CSMD2: variants seen among roughly 807,000 people sequenced by gnomAD.
The protein encoded by CSMD2 is CUB and Sushi multiple domains 2.
In CSMD2, 130 loss-of-function variants were observed where a neutral mutation model predicts 398.5. The observed-to-expected ratio is 0.33, with a 90% CI of 0.28 to 0.38. CSMD2 has a LOEUF of 0.38. Among genes scored for constraint, CSMD2 ranks in the 10% least tolerant of loss-of-function variants. The probability of loss-of-function intolerance (pLI) is 1.00; values close to 1 mark genes in which losing one functional copy is unlikely to be tolerated. For missense variants in CSMD2, 3,829 were observed against 4,764.9 expected, an observed-to-expected ratio of 0.80 and a Z score of 5.78; for synonymous variants, 1,828 against 1,908.5, an observed-to-expected ratio of 0.96 and a Z score of 1.10.
chr1:34,089,391 C>G (rs1466296887), intron 1 of CSMD2, among the ~76,000 whole-genome samples, 198 bp from the exon 2 acceptor site: 4 of 152,218 alleles, frequency 2.6e-5, no homozygotes, highest in African/African-American at 9.6e-5. Context: ...TGTGTACTGA[C>G]CAGGTGATAC....
At chr1:33,974,551 C>T (rs1645891276) in intron 3 of CSMD2, among the ~76,000 whole-genome samples, 1 of 152,200 alleles carries the variant, frequency 6.6e-6, no homozygotes, top group Non-Finnish European at 1.5e-5. Flanking sequence ...GATGAGGAAA[C>T]AAACAGAGAC....
At chr1:33,540,928 T>C (rs1049283563) in intron 59 of CSMD2, among the ~76,000 whole-genome samples, 1 of 152,190 alleles carries the variant, frequency 6.6e-6, no homozygotes, top group Non-Finnish European at 1.5e-5. Flanking sequence ...CCCCTCAATG[T>C]TCATGGCCCA....
chr1:34,092,550 C>T (rs553464671), intron 1 of CSMD2, among the ~76,000 whole-genome samples: 25 of 152,026 alleles, frequency 1.6e-4, no homozygotes, highest in South Asian at 4.2e-4. Flanking sequence ...AGTGGGTGCG[C>T]GCACCGTGCA....
intron 4 of CSMD2, among the ~76,000 whole-genome samples, chr1:33,933,695 T>G (rs1644381317): frequency 6.6e-6 from 1 of 152,106 alleles, no homozygotes; most frequent in Non-Finnish European, 1.5e-5. Context: ...CACACACCTG[T>G]GTAGGGGCCA....
intron 1 of CSMD2, among the ~76,000 whole-genome samples, chr1:34,157,750 C>A (rs1640941768): frequency 6.6e-6 from 1 of 152,026 alleles, no homozygotes; most frequent in Non-Finnish European, 1.5e-5. Context: ...GCCAACACAT[C>A]CCAACCCACC....
intron 6 of CSMD2, among the ~76,000 whole-genome samples, chr1:33,841,755 A>G (rs1376725345): frequency 6.6e-6 from 1 of 152,212 alleles, no homozygotes; most frequent in Non-Finnish European, 1.5e-5. Context: ...AAATACTTCA[A>G]AGAGAAACTG....
chr1:34,088,852 G>A, intron 2 of CSMD2, 125 bp downstream of exon 2: 4 of 768,046 alleles, frequency 5.2e-6, no homozygotes, highest in Non-Finnish European at 8.9e-6. Context: ...GGTTGAGGGA[G>A]GACATCATGA....
chr1:33,522,953 G>A (rs1297265944), intron 67 of CSMD2, among the ~76,000 whole-genome samples: 1 of 152,196 alleles, frequency 6.6e-6, no homozygotes, highest in Non-Finnish European at 1.5e-5. Flanking sequence ...ATGTAGTCAT[G>A]TGAGACTCAC....
chr1:33,716,277 A>G lies in CSMD2; in HGVS notation c.3217+9T>C, dbSNP rs1200510007. The G allele has an allele frequency of 3.1e-6, 5 of 1,608,576 alleles. No homozygotes were observed. The South Asian group carries it at 5.5e-5, about 18-fold the overall frequency. ...GTCTCTTCCCCTCAGGGACCCTCAT[A>G]CTCTTTACCTGAGAAGGTGATGTTG... On this transcript the variant is annotated intron_variant, in intron 20 of 70. Coordinates refer to ENST00000373381, the MANE Select transcript of CSMD2 (RefSeq NM_001281956.2).
intron 1 of CSMD2, among the ~76,000 whole-genome samples, chr1:34,154,298 C>T (rs1640600409): frequency 6.6e-6 from 1 of 152,162 alleles, no homozygotes; most frequent in Non-Finnish European, 1.5e-5. Context: ...GGAAATGTGA[C>T]CTGGCACACC....
intron 25 of CSMD2, among the ~76,000 whole-genome samples, chr1:33,683,479 G>A (rs1018756084): frequency 6.6e-6 from 1 of 152,154 alleles, no homozygotes; most frequent in African/African-American, 2.4e-5. Flanking sequence ...TACTGGTTCA[G>A]TGTGGTCAAC....
intron 21 of CSMD2, among the ~76,000 whole-genome samples, chr1:33,712,000 T>C (rs10914767): frequency 0.32 from 48,325 of 152,048 alleles, 8,610 homozygotes; most frequent in Middle Eastern, 0.48. Flanking sequence ...CAGATGAACT[T>C]AGAAGCCAAA....
chr1:33,580,565 T>C (rs1638622162), intron 48 of CSMD2, among the ~76,000 whole-genome samples, 188 bp downstream of exon 48: 1 of 152,026 alleles, frequency 6.6e-6, no homozygotes, highest in Non-Finnish European at 1.5e-5. Context: ...AGGCTGGCAG[T>C]ATGAGAAAAG....
rs117372098 is a variant in CSMD2 at position 34,146,986 on chromosome 1, G to A, written c.187+17925C>T. ...TGAAATAAAGGATAAGGCCTGGCGCGGTGGCTCATGCCTGTAATCCCACCA... is the reference window on the plus strand; with the variant it reads ...TGAAATAAAGGATAAGGCCTGGCGCAGTGGCTCATGCCTGTAATCCCACCA... On this transcript the variant is annotated intron_variant, in intron 1 of 70. Coordinates refer to ENST00000373381, the MANE Select transcript of CSMD2 (RefSeq NM_001281956.2). Among the ~76,000 whole-genome samples the A allele has an allele frequency of 3.4e-3, 520 of 152,300 alleles. 1 individual carries two copies. The highest frequency in any genetic ancestry group is 0.024 in the East Asian group (125 of 5,172).
At chr1:34,133,143 A>G (rs1316724228) in intron 1 of CSMD2, among the ~76,000 whole-genome samples, 3 of 152,056 alleles carry the variant, frequency 2.0e-5, no homozygotes, top group Non-Finnish European at 2.9e-5. Flanking sequence ...AGCACCTTCT[A>G]TTACCACCTC....
chr1:33,929,012 G>A (rs1644222065), intron 4 of CSMD2, among the ~76,000 whole-genome samples: 1 of 152,094 alleles, frequency 6.6e-6, no homozygotes, highest in Non-Finnish European at 1.5e-5. Flanking sequence ...AACGTTACCT[G>A]GACAAAGTGA....
At chr1:33,575,278 A>C (rs547105138) in intron 49 of CSMD2, among the ~76,000 whole-genome samples, 1 of 152,288 alleles carries the variant, frequency 6.6e-6, no homozygotes, top group Non-Finnish European at 1.5e-5. Context: ...AGAGTGGAAA[A>C]GTCATGGTTT....
chr1:33,932,772 T>C (rs1223365115), intron 4 of CSMD2, among the ~76,000 whole-genome samples: 1 of 152,172 alleles, frequency 6.6e-6, no homozygotes, highest in Non-Finnish European at 1.5e-5. Flanking sequence ...AGAGTTCTCT[T>C]TGTTCAGGAA....
Position 33,840,425 on chromosome 1 carries a change from G to A in CSMD2, c.1033+6459C>T, listed in dbSNP as rs532991300. On this transcript the variant is annotated intron_variant, in intron 6 of 70. Transcript: ENST00000373381. Reference sequence around the variant, plus strand: ...TATGGGTGTCTACATCTCTCAGGTAGAAGTCATTGCCCTCCTCAAGACTTC... The same window carrying A: ...TATGGGTGTCTACATCTCTCAGGTAAAAGTCATTGCCCTCCTCAAGACTTC... Among the ~76,000 whole-genome samples the A allele has an allele frequency of 4.6e-5, 7 of 152,226 alleles. No individual in the cohort carries two copies. The South Asian group carries it at 1.5e-3, about 32-fold the overall frequency.
Sources: allele counts gnomAD v4.1 joint callset (sites outside exome capture counted in the v4.1 genomes callset), GRCh38; gene constraint gnomAD v4.1.1; transcripts MANE v1.5; gene names NCBI Gene and HGNC (gene_info 2026-07-23, HGNC 2026-07-21).